Variants in ANXA13 observed in about 807,000 individuals in gnomAD.
The protein encoded by ANXA13 is annexin XIII.
Under a neutral mutation model 46.6 loss-of-function variants are expected in ANXA13, and 36 were observed. The ratio of observed to expected loss-of-function variants is 0.77; its 90% CI spans 0.59 to 1.02. The LOEUF is 1.02. Ranked by LOEUF, ANXA13 falls within the 50% of genes least tolerant of loss-of-function variation. The pLI is 0.00. For missense variants in ANXA13, 417 were observed against 396.5 expected (o/e 1.05, Z -0.44); for synonymous variants, 163 against 152.9 (o/e 1.07, Z -0.49).
intron 1 of ANXA13, among the ~76,000 whole-genome samples, chr8:123,714,601 C>T (rs1040753564): frequency 2.6e-5 from 4 of 152,204 alleles, no homozygotes; most frequent in Admixed American, 1.3e-4. Flanking sequence ...CCAAAGTGTC[C>T]TGGCTAACAT....
intron 1 of ANXA13, among the ~76,000 whole-genome samples, chr8:123,716,715 G>A (rs1016046189): frequency 6.6e-6 from 1 of 152,082 alleles, no homozygotes; most frequent in African/African-American, 2.4e-5. Context: ...CCCAGGAGCT[G>A]GGTACCGAAC....
At chr8:123,712,917 C>T (rs1813687791) in intron 1 of ANXA13, among the ~76,000 whole-genome samples, 164 bp from the exon 2 acceptor site, 1 of 152,152 alleles carries the variant, frequency 6.6e-6, no homozygotes, top group South Asian at 2.1e-4. Context: ...AGACTCTGGC[C>T]CCAGAGAGGT....
intron 8 of ANXA13, among the ~76,000 whole-genome samples, chr8:123,691,344 C>T (rs116216411): frequency 0.014 from 2,126 of 152,208 alleles, 20 homozygotes; most frequent in Middle Eastern, 0.037. Context: ...GACACTTGAG[C>T]AAGGCTTTTG....
intron 2 of ANXA13, among the ~76,000 whole-genome samples, chr8:123,709,023 A>T (rs1395965662): frequency 6.6e-6 from 1 of 152,102 alleles, no homozygotes; most frequent in African/African-American, 2.4e-5. Flanking sequence ...CTTTTTCCAA[A>T]CAGTCATGTT....
chr8:123,735,838 G>T, intron 1 of ANXA13: 1 of 1,612,216 alleles, frequency 6.2e-7, no homozygotes, highest in Non-Finnish European at 8.5e-7. Context: ...TCCCCTTTAG[G>T]CAACTGTTGA....
chr8:123,723,605 C>G (rs1311430325), intron 1 of ANXA13, among the ~76,000 whole-genome samples: 1 of 152,190 alleles, frequency 6.6e-6, no homozygotes, highest in Non-Finnish European at 1.5e-5. Flanking sequence ...AAATCAGTCA[C>G]AGTGAAAGTA....
chr8:123,713,724 C>T (rs1813705096), intron 1 of ANXA13, among the ~76,000 whole-genome samples: 1 of 152,168 alleles, frequency 6.6e-6, no homozygotes. Flanking sequence ...GACACAGTCT[C>T]TCTCTGTCAA....
chr8:123,696,344 G>A (rs1436996512), intron 4 of ANXA13, among the ~76,000 whole-genome samples: 2 of 152,248 alleles, frequency 1.3e-5, no homozygotes, highest in East Asian at 3.9e-4. Flanking sequence ...TCCTATTGAT[G>A]GAGGCTTAGG....
At chr8:123,718,395 C>T (rs144960062) in intron 1 of ANXA13, among the ~76,000 whole-genome samples, 39 of 152,318 alleles carry the variant, frequency 2.6e-4, no homozygotes, top group East Asian at 1.9e-3. Context: ...AGTCACACTG[C>T]GGAGTCCAGG....
intron 4 of ANXA13, among the ~76,000 whole-genome samples, chr8:123,695,995 T>C (rs1304725316): frequency 6.6e-6 from 1 of 151,274 alleles, no homozygotes. Context: ...GTGAGAAGTT[T>C]ACAGCTAGGC....
At chr8:123,705,715 G>C (rs1258444129) in intron 2 of ANXA13, among the ~76,000 whole-genome samples, 1 of 152,166 alleles carries the variant, frequency 6.6e-6, no homozygotes, top group Non-Finnish European at 1.5e-5. Flanking sequence ...TGAGCCATCA[G>C]GATCCTGAAG....
At chr8:123,688,086 G>A (rs1351321474) in intron 9 of ANXA13, among the ~76,000 whole-genome samples, 1 of 152,214 alleles carries the variant, frequency 6.6e-6, no homozygotes, top group African/African-American at 2.4e-5. Flanking sequence ...GGGACCCATG[G>A]TGTTAGTGGG....
intron 6 of ANXA13, among the ~76,000 whole-genome samples, chr8:123,694,119 C>G (rs540756861): frequency 9.9e-5 from 15 of 152,180 alleles, no homozygotes; most frequent in African/African-American, 3.6e-4. Flanking sequence ...TTTCACCACT[C>G]AAGGTCCCAG....
chr8:123,695,906 G>GCCCCCCCCCCCCCCC (rs369319261), intron 4 of ANXA13, among the ~76,000 whole-genome samples, 185 bp from the exon 5 acceptor site: 5 of 91,148 alleles, frequency 5.5e-5, no homozygotes, highest in African/African-American at 8.5e-5. Flanking sequence ...GTGACGGCCC[G>GCCCCCCCCCCCCCCC]CCCCCCCCCC....
chr8:123,689,473 T>A (rs1813195014), intron 8 of ANXA13, among the ~76,000 whole-genome samples: 1 of 151,918 alleles, frequency 6.6e-6, no homozygotes, highest in African/African-American at 2.4e-5. Context: ...CATGGTGAAG[T>A]TCATGATAAC....
chr8:123,683,286 A>C (rs1411022602), intron 10 of ANXA13, among the ~76,000 whole-genome samples: 1 of 152,134 alleles, frequency 6.6e-6, no homozygotes, highest in Non-Finnish European at 1.5e-5. Context: ...CAGGAATAGA[A>C]ATAAAAAAGC....
intron 3 of ANXA13, among the ~76,000 whole-genome samples, chr8:123,699,771 A>G (rs1813408117): frequency 6.6e-6 from 1 of 152,224 alleles, no homozygotes; most frequent in Non-Finnish European, 1.5e-5. Flanking sequence ...GCAGTGTGGC[A>G]TGGTGGCAAA....
At chr8:123,732,553 G>T (rs373493907) in intron 1 of ANXA13, among the ~76,000 whole-genome samples, 1 of 152,136 alleles carries the variant, frequency 6.6e-6, no homozygotes, top group Non-Finnish European at 1.5e-5. Context: ...GCACCAAGTG[G>T]CTCCAGACTC....
intron 1 of ANXA13, among the ~76,000 whole-genome samples, chr8:123,715,669 G>A (rs1246983523): frequency 6.6e-6 from 1 of 152,242 alleles, no homozygotes; most frequent in African/African-American, 2.4e-5. Context: ...TGCCAAGCCT[G>A]GTGCTGGCAG....
Sources: allele counts gnomAD v4.1 joint callset (sites outside exome capture counted in the v4.1 genomes callset), GRCh38; gene constraint gnomAD v4.1.1; transcripts MANE v1.5; gene names NCBI Gene and HGNC (gene_info 2026-07-23, HGNC 2026-07-21).